Variants in ZHX2 observed in about 807,000 individuals in gnomAD.
ZHX2 encodes the protein zinc fingers and homeoboxes protein 2.
ZHX2 carries 6 observed loss-of-function variants against 21.9 expected under a neutral mutation model. The ratio of observed to expected loss-of-function variants is 0.27; its 90% CI spans 0.15 to 0.54. ZHX2 has a LOEUF of 0.54. Ranked by LOEUF, ZHX2 falls within the 20% of genes least tolerant of loss-of-function variation. The pLI, the probability that ZHX2 is intolerant of heterozygous loss-of-function variation, is 0.95. For synonymous variants in ZHX2, 434 were observed against 437.1 expected (o/e 0.99, Z 0.09); for missense variants, 908 against 1,090.7 (o/e 0.83, Z 2.36).
At chr8:122,799,863 T>C (rs568586397) in intron 1 of ZHX2, among the ~76,000 whole-genome samples, 1 of 152,342 alleles carries the variant, frequency 6.6e-6, no homozygotes, top group East Asian at 1.9e-4. Flanking sequence ...CTTTTTCTTT[T>C]TGCTTTTCTT....
At chr8:122,949,842 G>T (rs770482604) in intron 2 of ZHX2, among the ~76,000 whole-genome samples, 1 of 152,216 alleles carries the variant, frequency 6.6e-6, no homozygotes, top group Admixed American at 6.5e-5. Flanking sequence ...GCTGCAGTGA[G>T]CTAGAATTGT....
In ZHX2 at chr8:122,930,615, G is replaced by T. The variant is rs796410595; in HGVS notation, c.-219-20677G>T. Among the ~76,000 whole-genome samples the T allele has an allele frequency of 1.5e-4, 23 of 150,596 alleles. 1 individual carries two copies. Among genetic ancestry groups the T allele is most frequent in the African/African-American group, 5.6e-4 (23 of 41,018 alleles). ...GTCACCCAAATAGATGGGGTTACAG[G>T]CACCAGCCACCACGCCTGGCTAATT... is the stretch of plus-strand genomic sequence containing the variant. On this transcript the variant is annotated intron_variant, in intron 2 of 3. Transcript: ENST00000314393.
intron 2 of ZHX2, among the ~76,000 whole-genome samples, chr8:122,902,728 G>A (rs1820260545): frequency 6.6e-6 from 1 of 152,134 alleles, no homozygotes; most frequent in Admixed American, 6.5e-5. Flanking sequence ...GATGATCTAG[G>A]AAATGCCTAG....
chr8:122,836,204 G>A (rs1055022745), intron 1 of ZHX2, among the ~76,000 whole-genome samples: 1 of 152,158 alleles, frequency 6.6e-6, no homozygotes, highest in Non-Finnish European at 1.5e-5. Flanking sequence ...GACACACACC[G>A]GAACCTTCTT....
chr8:122,924,688 C>T (rs545154328), intron 2 of ZHX2, among the ~76,000 whole-genome samples: 3 of 152,230 alleles, frequency 2.0e-5, no homozygotes, highest in African/African-American at 7.2e-5. Context: ...CAGAACAATG[C>T]TAGTGTATAT....
At chr8:122,939,286 A>ACCT (rs1176848711) in intron 2 of ZHX2, among the ~76,000 whole-genome samples, 1 of 152,166 alleles carries the variant, frequency 6.6e-6, no homozygotes, top group Non-Finnish European at 1.5e-5. Context: ...GTGGAACCAG[A>ACCT]CCTCGAAGGC....
At chr8:122,923,004 G>T (rs954421930) in intron 2 of ZHX2, among the ~76,000 whole-genome samples, 5 of 152,194 alleles carry the variant, frequency 3.3e-5, no homozygotes, top group Non-Finnish European at 7.3e-5. Context: ...GCCCTATCAG[G>T]TGTGGACTCC....
At chr8:122,868,864 G>T (rs555040587) in intron 2 of ZHX2, among the ~76,000 whole-genome samples, 3 of 152,236 alleles carry the variant, frequency 2.0e-5, no homozygotes, top group African/African-American at 7.2e-5. Flanking sequence ...TATTGGAAAA[G>T]AAGAAAAATC....
At chr8:122,859,974 T>C (rs1400309773) in intron 1 of ZHX2, among the ~76,000 whole-genome samples, 1 of 152,244 alleles carries the variant, frequency 6.6e-6, no homozygotes, top group African/African-American at 2.4e-5. Flanking sequence ...CATTAGTACC[T>C]GTATCAGTCC....
In ZHX2 at chr8:122,881,000, C is replaced by T. The variant is rs183174563; in HGVS notation, c.-220+17461C>T. 3.0e-3 allele frequency among the ~76,000 whole-genome samples: 450 copies of T among 152,282 alleles called. 3 individuals are homozygous for T. Among genetic ancestry groups the T allele is most frequent in the Admixed American group, 5.9e-3 (91 of 15,304 alleles). On this transcript the variant is annotated intron_variant, in intron 2 of 3. Transcript: ENST00000314393. ...CCACCCAGGGTTTCAGTGCAGTAAA[C>T]CTGAGTGACTGAGAAAGCAGTGGCA...
At chr8:122,943,779 T>A (rs892010201) in intron 2 of ZHX2, among the ~76,000 whole-genome samples, 3 of 152,190 alleles carry the variant, frequency 2.0e-5, no homozygotes, top group South Asian at 4.1e-4. Flanking sequence ...TCTTCATTGA[T>A]GTGCCTCTTT....
chr8:122,908,668 A>G (rs1009755046), intron 2 of ZHX2, among the ~76,000 whole-genome samples: 5 of 152,068 alleles, frequency 3.3e-5, no homozygotes, highest in Non-Finnish European at 7.4e-5. Flanking sequence ...TATCTTTCTC[A>G]TGCCCACTCA....
intron 2 of ZHX2, among the ~76,000 whole-genome samples, chr8:122,875,193 A>C (rs1299464028): frequency 4.9e-5 from 3 of 61,456 alleles, no homozygotes; most frequent in African/African-American, 1.8e-4. Flanking sequence ...ATATATATAT[A>C]TCCTTTTACT....
chr8:122,832,025 A>G (rs967702121), intron 1 of ZHX2, among the ~76,000 whole-genome samples: 1 of 152,172 alleles, frequency 6.6e-6, no homozygotes, highest in Non-Finnish European at 1.5e-5. Flanking sequence ...GCTGCCATTC[A>G]AAACCAAGTA....
rs570853713 is a variant in ZHX2, at chr8:122,954,857, C to T, written c.*4+829C>T. Among the ~76,000 whole-genome samples the T allele has an allele frequency of 7.2e-3, 1,073 of 148,322 alleles. 3 individuals are homozygous for T. Among genetic ancestry groups the T allele is most frequent in the South Asian group, 0.02 (95 of 4,730 alleles). On this transcript the variant is annotated intron_variant, in intron 3 of 3. Transcript: ENST00000314393. ...GAAGAGGTTGTTTCTTTTTTTTTTT[C>T]CCCCCTTTTCTTTTTGGATTTTTTA...
chr8:122,881,121 G>A (rs1357776992), intron 2 of ZHX2, among the ~76,000 whole-genome samples: 10 of 149,426 alleles, frequency 6.7e-5, no homozygotes, highest in African/African-American at 2.1e-4. Context: ...TCATTTGCTG[G>A]GAATGTGAGC....
chr8:122,939,689 C>T (rs980887616), intron 2 of ZHX2, among the ~76,000 whole-genome samples: 3 of 151,898 alleles, frequency 2.0e-5, no homozygotes, highest in East Asian at 1.9e-4. Context: ...AACAGAGAGG[C>T]GAAGTTGGGA....
At chr8:122,857,162 C>T (rs1041665733) in intron 1 of ZHX2, among the ~76,000 whole-genome samples, 1 of 152,150 alleles carries the variant, frequency 6.6e-6, no homozygotes, top group African/African-American at 2.4e-5. Context: ...TGCAATCTTG[C>T]CACATTGCAC....
rs146246927 is a variant in ZHX2 at position 122,897,525 on chromosome 8, T to A, written c.-220+33986T>A. On this transcript the variant is annotated intron_variant, in intron 2 of 3. Transcript: ENST00000314393. ...ATTTATCCCTTGCAGACTGAGAGGT[T>A]TTTGTTTTGTCTGTTTATCTTCTTA... Among the ~76,000 whole-genome samples the A allele has an allele frequency of 3.0e-3, 461 of 152,290 alleles. 1 individual carries two copies. Among genetic ancestry groups the A allele is most frequent in the South Asian group, 0.015 (73 of 4,824 alleles).
Sources: allele counts gnomAD v4.1 joint callset (sites outside exome capture counted in the v4.1 genomes callset), GRCh38; gene constraint gnomAD v4.1.1; transcripts MANE v1.5; gene names NCBI Gene and HGNC (gene_info 2026-07-23, HGNC 2026-07-21).